CSMD1: variants seen among roughly 807,000 people sequenced by gnomAD.
The protein encoded by CSMD1 is CUB and sushi domain-containing protein 1.
Under a neutral mutation model 417.5 loss-of-function variants are expected in CSMD1, and 213 were observed. The observed-to-expected ratio is 0.51, with a 90% CI of 0.46 to 0.57. The LOEUF (loss-of-function observed/expected upper bound fraction) is 0.57, where lower values mean the gene tolerates loss of function less well. CSMD1 is among the 20% of genes least tolerant of loss of function. CSMD1 has a pLI of 0.00. For synonymous variants in CSMD1, 2,862 were observed against 1,736.8 expected (o/e 1.65, Z -16.11); for missense variants, 6,923 against 4,529.7 (o/e 1.53, Z -15.17).
chr8:2,943,292 A>T (rs1314386892), intron 68 of CSMD1, among the ~76,000 whole-genome samples: 2 of 150,562 alleles, frequency 1.3e-5, no homozygotes, highest in Admixed American at 6.6e-5. Flanking sequence ...CAGTGGAGTG[A>T]TCTCAGCTCA....
chr8:4,560,420 G>T (rs925932380), intron 2 of CSMD1, among the ~76,000 whole-genome samples: 1 of 152,216 alleles, frequency 6.6e-6, no homozygotes, highest in East Asian at 1.9e-4. Flanking sequence ...AAAAGATCAT[G>T]TCTGATGGGC....
chr8:4,769,259 A>G (rs1403832544), intron 1 of CSMD1, among the ~76,000 whole-genome samples: 1 of 152,224 alleles, frequency 6.6e-6, no homozygotes, highest in African/African-American at 2.4e-5. Context: ...AAAGGCAGCC[A>G]GAACAAATTG....
At chr8:4,935,805 A>C (rs1398445088) in intron 1 of CSMD1, among the ~76,000 whole-genome samples, 1 of 152,246 alleles carries the variant, frequency 6.6e-6, no homozygotes, top group African/African-American at 2.4e-5. Context: ...AGGAATTGCA[A>C]CTTGAGAGAG....
At chr8:3,546,883 G>A (rs75767219) in intron 10 of CSMD1, among the ~76,000 whole-genome samples, 9 of 152,326 alleles carry the variant, frequency 5.9e-5, no homozygotes, top group African/African-American at 2.2e-4. Flanking sequence ...TGTTGCAAGG[G>A]AAACTGTGAA....
chr8:4,752,716 G>A (rs1324128251), intron 1 of CSMD1, among the ~76,000 whole-genome samples: 2 of 152,034 alleles, frequency 1.3e-5, no homozygotes, highest in South Asian at 2.1e-4. Flanking sequence ...TTTACCTTTG[G>A]GGCAACGAAA....
At chr8:3,735,670 G>A (rs908171717) in intron 6 of CSMD1, among the ~76,000 whole-genome samples, 3 of 152,182 alleles carry the variant, frequency 2.0e-5, no homozygotes, top group Admixed American at 6.5e-5. Context: ...GAAATGGGCT[G>A]CCCTCTGGAG....
chr8:3,725,408 T>C (rs1802424695), intron 6 of CSMD1, among the ~76,000 whole-genome samples: 1 of 152,276 alleles, frequency 6.6e-6, no homozygotes, highest in East Asian at 1.9e-4. Context: ...ACATTTTTAT[T>C]TTTTAAAAGG....
At chr8:4,390,497 T>TTCTATTTATTTATTTATTTATTTA (rs1554457300) in intron 3 of CSMD1, among the ~76,000 whole-genome samples, 2 of 140,324 alleles carry the variant, frequency 1.4e-5, no homozygotes, top group East Asian at 4.1e-4. Flanking sequence ...AAGCGTCCAT[T>TTCTATTTATTTATTTATTTATTTA]TTTATTTATT....
chr8:4,418,368 C>G (rs944538128), intron 3 of CSMD1, among the ~76,000 whole-genome samples: 4 of 151,936 alleles, frequency 2.6e-5, no homozygotes, highest in African/African-American at 9.7e-5. Flanking sequence ...TTCATTATAC[C>G]ATCATGACCA....
intron 1 of CSMD1, among the ~76,000 whole-genome samples, chr8:4,827,838 T>A (rs1449321929): frequency 6.6e-6 from 1 of 152,196 alleles, no homozygotes; most frequent in African/African-American, 2.4e-5. Flanking sequence ...ACAGCCTGTT[T>A]AAATTCTTAG....
chr8:3,289,072 C>T (rs143995647), intron 25 of CSMD1, among the ~76,000 whole-genome samples: 4,696 of 146,596 alleles, frequency 0.032, 940 homozygotes, highest in African/African-American at 0.12. Flanking sequence ...GGAGAACATG[C>T]GGTATTTAGT....
At chr8:4,092,985 G>A (rs955109661) in intron 3 of CSMD1, among the ~76,000 whole-genome samples, 2 of 151,946 alleles carry the variant, frequency 1.3e-5, no homozygotes, top group Admixed American at 6.6e-5. Context: ...CTTATACATA[G>A]TGGGGGTCAA....
chr8:3,720,620 TACAC>T (rs1554520854), intron 6 of CSMD1, among the ~76,000 whole-genome samples: 325 of 143,406 alleles, frequency 2.3e-3, no homozygotes, highest in African/African-American at 5.4e-3. Context: ...TCTTTATTCT[TACAC>T]ACACACACAC....
At chr8:4,652,669 C>G (rs1803974483) in intron 1 of CSMD1, among the ~76,000 whole-genome samples, 1 of 151,980 alleles carries the variant, frequency 6.6e-6, no homozygotes, top group South Asian at 2.1e-4. Flanking sequence ...AAAAAAAAGA[C>G]AGATTCGCCA....
chr8:4,649,308 C>T (rs1372026279), intron 1 of CSMD1, among the ~76,000 whole-genome samples: 1 of 152,156 alleles, frequency 6.6e-6, no homozygotes, highest in East Asian at 1.9e-4. Flanking sequence ...ATTATTACTA[C>T]CTACAGTAAT....
intron 2 of CSMD1, among the ~76,000 whole-genome samples, chr8:4,587,441 G>A (rs1020827014): frequency 1.0e-4 from 14 of 134,630 alleles, no homozygotes; most frequent in East Asian, 4.3e-4. Flanking sequence ...GGATATATAT[G>A]TATATGTACA....
intron 5 of CSMD1, among the ~76,000 whole-genome samples, chr8:3,954,162 T>C (rs992270618): frequency 1.3e-5 from 2 of 152,168 alleles, no homozygotes; most frequent in East Asian, 1.9e-4. Context: ...CTGTAGAAAC[T>C]TCAGCCCTTG....
At chr8:3,387,370 C>T (rs1811069006) in intron 18 of CSMD1, 124 bp downstream of exon 18, 1 of 707,560 alleles carries the variant, frequency 1.4e-6, no homozygotes, top group African/African-American at 1.8e-5. Context: ...TACAACTTCT[C>T]AGAGGGAACT....
At chr8:4,820,822 T>C (rs12674959) in intron 1 of CSMD1, among the ~76,000 whole-genome samples, 9,919 of 152,274 alleles carry the variant, frequency 0.065, 564 homozygotes, top group East Asian at 0.24. Flanking sequence ...GTAACTGTAA[T>C]ACTTGTTGCA....
Sources: gnomAD v4.1 joint callset for allele counts (sites outside exome capture counted in the v4.1 genomes callset) on GRCh38, gnomAD v4.1.1 for gene constraint, MANE v1.5 for transcripts, NCBI Gene and HGNC (gene_info 2026-07-23, HGNC 2026-07-21) for gene names.